RSPO2: variants seen among roughly 807,000 people sequenced by gnomAD.
RSPO2 encodes R-spondin 2, also known as R-spondin-2.
Under a neutral mutation model 30.9 loss-of-function variants are expected in RSPO2, and 14 were observed. That is an observed-to-expected ratio of 0.45 (90% CI 0.30 to 0.71). The LOEUF (loss-of-function observed/expected upper bound fraction) is 0.71. Ranked by LOEUF, RSPO2 falls within the 30% of genes least tolerant of loss-of-function variation. The pLI is 0.08. For synonymous variants in RSPO2, 107 were observed against 96.4 expected (o/e 1.11, Z -0.64); for missense variants, 264 against 301.9 (o/e 0.87, Z 0.93).
chr8:108,005,475 T>C (rs541054864), intron 2 of RSPO2, among the ~76,000 whole-genome samples: 1 of 152,190 alleles, frequency 6.6e-6, no homozygotes, highest in South Asian at 2.1e-4. Context: ...CCTCTCCATT[T>C]ATTAGTGGGC....
chr8:108,003,812 A>G (rs1815363027), intron 2 of RSPO2, among the ~76,000 whole-genome samples: 1 of 152,180 alleles, frequency 6.6e-6, no homozygotes, highest in Non-Finnish European at 1.5e-5. Flanking sequence ...GTTTTAAAAA[A>G]TCTTTCCAAG....
intron 5 of RSPO2, among the ~76,000 whole-genome samples, chr8:107,905,539 C>CTT (rs1407042446): frequency 2.6e-5 from 4 of 152,076 alleles, no homozygotes; most frequent in African/African-American, 9.7e-5. Flanking sequence ...AATGCTCTAA[C>CTT]TTGAAACCTG....
chr8:107,986,848 C>T (rs1814657332), intron 3 of RSPO2, among the ~76,000 whole-genome samples: 1 of 152,162 alleles, frequency 6.6e-6, no homozygotes. Flanking sequence ...CTAAAGAAAT[C>T]TGAACAGGAA....
chr8:107,912,060 C>G (rs1172765517), intron 5 of RSPO2, among the ~76,000 whole-genome samples: 1 of 152,010 alleles, frequency 6.6e-6, no homozygotes, highest in Non-Finnish European at 1.5e-5. Context: ...GGTCAAGCAA[C>G]ACATTTAGCA....
intron 5 of RSPO2, among the ~76,000 whole-genome samples, chr8:107,911,110 C>T (rs505461): frequency 0.37 from 56,150 of 151,990 alleles, 11,928 homozygotes; most frequent in East Asian, 0.64. Context: ...TTCCTAGGCT[C>T]CCCCACGGCT....
chr8:107,944,447 C>A (rs140325623), intron 5 of RSPO2, among the ~76,000 whole-genome samples: 1,713 of 152,146 alleles, frequency 0.011, 40 homozygotes, highest in African/African-American at 0.039. Context: ...TTGCAGAGTC[C>A]ACCAAAAATA....
At chr8:107,987,206 C>T (rs947197495) in intron 3 of RSPO2, among the ~76,000 whole-genome samples, 5 of 151,916 alleles carry the variant, frequency 3.3e-5, no homozygotes, top group Middle Eastern at 3.4e-3. Context: ...TTAAAGCCTC[C>T]GCAATTTATT....
At chr8:108,004,275 G>A (rs1040253636) in intron 2 of RSPO2, among the ~76,000 whole-genome samples, 1 of 152,204 alleles carries the variant, frequency 6.6e-6, no homozygotes, top group African/African-American at 2.4e-5. Context: ...TCAGCAAAAG[G>A]CCAGCACTTT....
intron 2 of RSPO2, among the ~76,000 whole-genome samples, chr8:108,021,959 T>C (rs1027295195): frequency 1.3e-5 from 2 of 152,002 alleles, no homozygotes; most frequent in African/African-American, 4.8e-5. Context: ...AAAGAAAAAA[T>C]GATGGCTTCA....
chr8:108,019,743 A>C (rs889335613), intron 2 of RSPO2, among the ~76,000 whole-genome samples: 6 of 152,190 alleles, frequency 3.9e-5, no homozygotes, highest in Admixed American at 2.6e-4. Flanking sequence ...CTGCTGATTG[A>C]GTGCTTTTCA....
chr8:108,070,886 T>C (rs948339366), intron 2 of RSPO2, among the ~76,000 whole-genome samples: 13 of 152,228 alleles, frequency 8.5e-5, no homozygotes, highest in Non-Finnish European at 5.9e-5. Flanking sequence ...AATCTTCCTC[T>C]TCATAAAATA....
At chr8:108,015,558 G>T (rs951735353) in intron 2 of RSPO2, among the ~76,000 whole-genome samples, 1 of 152,008 alleles carries the variant, frequency 6.6e-6, no homozygotes, top group African/African-American at 2.4e-5. Context: ...CAAGAATCCC[G>T]CTAAGTTAGC....
At chr8:107,971,424 T>C (rs1813995441) in intron 3 of RSPO2, among the ~76,000 whole-genome samples, 1 of 152,238 alleles carries the variant, frequency 6.6e-6, no homozygotes, top group Non-Finnish European at 1.5e-5. Flanking sequence ...TTTGATATAA[T>C]CTATCTTCCA....
intron 2 of RSPO2, among the ~76,000 whole-genome samples, chr8:108,069,977 ACC>A (rs1202628909): frequency 6.6e-6 from 1 of 152,356 alleles, no homozygotes; most frequent in Non-Finnish European, 1.5e-5. Flanking sequence ...GTATGGTATA[ACC>A]CATGCTGATT....
intron 5 of RSPO2, among the ~76,000 whole-genome samples, chr8:107,924,725 G>C (rs916954772): frequency 6.6e-6 from 1 of 151,982 alleles, no homozygotes; most frequent in African/African-American, 2.4e-5. Flanking sequence ...CGCCAGAGCA[G>C]TGGAAAAAGA....
chr8:107,917,542 C>T (rs1353207064), intron 5 of RSPO2, among the ~76,000 whole-genome samples: 2 of 152,022 alleles, frequency 1.3e-5, no homozygotes, highest in African/African-American at 4.8e-5. Flanking sequence ...TGTTTTAAAC[C>T]TTTGATATTT....
At chr8:108,071,990 G>A (rs1812860443) in intron 2 of RSPO2, among the ~76,000 whole-genome samples, 1 of 152,112 alleles carries the variant, frequency 6.6e-6, no homozygotes, top group Admixed American at 6.5e-5. Context: ...ATCTATGACA[G>A]TAAAAGAGCA....
At position 107,960,704 on chromosome 8, in the gene RSPO2, C is replaced by CAA; in HGVS notation, c.395_396dup (p.Ala133LeufsTer4). On this transcript the variant is annotated frameshift_variant, in exon 4 of 6. Transcript: ENST00000276659. LOFTEE classifies it high-confidence loss of function. ...CATTCCATGGTTTCTTCTAATGGTGCAAAACCATCTGGACATTCATCAAAG... is the reference window on the plus strand; with the variant it reads ...CATTCCATGGTTTCTTCTAATGGTGCAAAAAACCATCTGGACATTCATCAAAG... The CAA allele has an allele frequency of 6.2e-7, 1 of 1,613,354 alleles. No individual in the cohort carries two copies. The highest frequency in any genetic ancestry group is 1.1e-5 in the South Asian group (1 of 90,870).
chr8:108,062,892 A>T (rs1272649379), intron 2 of RSPO2, among the ~76,000 whole-genome samples: 3 of 151,924 alleles, frequency 2.0e-5, no homozygotes, highest in African/African-American at 7.3e-5. Flanking sequence ...CAAATCAATA[A>T]ATGTAATCCA....
Sources: allele counts gnomAD v4.1 joint callset (sites outside exome capture counted in the v4.1 genomes callset), GRCh38; gene constraint gnomAD v4.1.1; transcripts MANE v1.5; gene names NCBI Gene and HGNC (gene_info 2026-07-23, HGNC 2026-07-21).